The following DISC1 variants were observed in gnomAD, a reference collection of about 807,000 sequenced individuals.
DISC1 encodes disrupted in schizophrenia 1 protein.
In DISC1, 57 loss-of-function variants were observed where a neutral mutation model predicts 84.5. That is an observed-to-expected ratio of 0.67 (90% CI 0.55 to 0.84). The LOEUF (loss-of-function observed/expected upper bound fraction) is 0.84, where lower values mean the gene tolerates loss of function less well. Ranked by LOEUF, DISC1 falls within the 40% of genes least tolerant of loss-of-function variation. The pLI is 0.00. For missense variants in DISC1, 1,000 were observed against 1,057.8 expected (o/e 0.95, Z 0.76); for synonymous variants, 411 against 415.2 (o/e 0.99, Z 0.12).
chr1:231,699,246 TG>T, intron 2 of DISC1, among the ~76,000 whole-genome samples: 1 of 152,180 alleles, frequency 6.6e-6, no homozygotes, highest in East Asian at 1.9e-4. Context: ...ACTCTTTCCA[TG>T]TGCCCAAAGC....
intron 12 of DISC1, 137 bp downstream of exon 12, chr1:232,026,689 C>CCTG: frequency 1.5e-6 from 1 of 656,052 alleles, no homozygotes; most frequent in Non-Finnish European, 2.7e-6. Context: ...CACCTCAGAT[C>CCTG]TCTGAGATTA....
chr1:231,762,238 CTTTTCTT>C, intron 4 of DISC1, among the ~76,000 whole-genome samples: 1 of 20,698 alleles, frequency 4.8e-5, no homozygotes, highest in South Asian at 2.0e-3. Flanking sequence ...CTTTTCTTTT[CTTTTCTT>C]TTCTTTTCTT....
chr1:231,783,095 C>A (rs4658945), intron 6 of DISC1, among the ~76,000 whole-genome samples: 15,613 of 152,006 alleles, frequency 0.1, 986 homozygotes, highest in Non-Finnish European at 0.14. Flanking sequence ...CTTTGGATCA[C>A]GTAACAGAAT....
chr1:231,840,003 T>G (rs2082918774), intron 9 of DISC1, among the ~76,000 whole-genome samples: 1 of 152,118 alleles, frequency 6.6e-6, no homozygotes, highest in South Asian at 2.1e-4. Context: ...CAACATGAGA[T>G]TTGGAGGGGG....
intron 8 of DISC1, among the ~76,000 whole-genome samples, chr1:231,802,595 A>T (rs2079360278): frequency 6.6e-6 from 1 of 152,170 alleles, no homozygotes; most frequent in African/African-American, 2.4e-5. Flanking sequence ...CCATTTGCAG[A>T]GAGTAGGAAT....
chr1:231,998,936 A>G (rs1418897441), intron 10 of DISC1, among the ~76,000 whole-genome samples: 1 of 152,166 alleles, frequency 6.6e-6, no homozygotes, highest in Non-Finnish European at 1.5e-5. Flanking sequence ...TGAGGTGAAA[A>G]TACATTAAAG....
At chr1:231,772,443 C>A (rs974023959) in intron 6 of DISC1, among the ~76,000 whole-genome samples, 3 of 152,190 alleles carry the variant, frequency 2.0e-5, no homozygotes, top group African/African-American at 7.2e-5. Flanking sequence ...GAAAAGACTT[C>A]CTACAACTCA....
At chr1:231,848,679 CA>C (rs768457263) in intron 9 of DISC1, among the ~76,000 whole-genome samples, 42 of 152,172 alleles carry the variant, frequency 2.8e-4, no homozygotes, top group Non-Finnish European at 8.8e-5. Flanking sequence ...TCAGTTTGTC[CA>C]AAAAATAACA....
intron 4 of DISC1, among the ~76,000 whole-genome samples, chr1:231,755,406 A>G (rs985404691): frequency 3.3e-5 from 5 of 151,598 alleles, no homozygotes; most frequent in Non-Finnish European, 1.5e-5. Flanking sequence ...CTCACTTTGT[A>G]TCTTCTTTCT....
chr1:231,925,101 A>T (rs1033572446), intron 9 of DISC1, among the ~76,000 whole-genome samples: 1 of 151,910 alleles, frequency 6.6e-6, no homozygotes, highest in Non-Finnish European at 1.5e-5. Flanking sequence ...GGTGCTACTG[A>T]GGGACTGAAG....
chr1:231,828,194 C>G (rs1359717961), intron 9 of DISC1, among the ~76,000 whole-genome samples: 1 of 152,170 alleles, frequency 6.6e-6, no homozygotes, highest in African/African-American at 2.4e-5. Flanking sequence ...CAAGAAAGAA[C>G]CAAATACAAT....
intron 3 of DISC1, among the ~76,000 whole-genome samples, chr1:231,734,144 A>G (rs868223070): frequency 6.6e-6 from 1 of 152,142 alleles, no homozygotes; most frequent in Admixed American, 6.5e-5. Flanking sequence ...AGTCTGAACC[A>G]TAAGCTTGGA....
At chr1:231,843,503 G>C (rs931328120) in intron 9 of DISC1, among the ~76,000 whole-genome samples, 21 of 152,234 alleles carry the variant, frequency 1.4e-4, no homozygotes, top group Non-Finnish European at 5.9e-5. Flanking sequence ...AATGGAGAGA[G>C]AATCCACTCC....
chr1:231,958,710 A>G, intron 9 of DISC1, 118 bp from the exon 10 acceptor site: 2 of 1,019,718 alleles, frequency 2.0e-6, no homozygotes, highest in South Asian at 1.4e-5. Flanking sequence ...CAAACATAGA[A>G]TGTTACGATT....
At chr1:231,876,722 T>C (rs540021171) in intron 9 of DISC1, among the ~76,000 whole-genome samples, 1 of 152,280 alleles carries the variant, frequency 6.6e-6, no homozygotes, top group African/African-American at 2.4e-5. Context: ...GGGTTTATGG[T>C]TTTCAGGGGC....
At chr1:231,995,738 C>G (rs1266756460) in intron 10 of DISC1, among the ~76,000 whole-genome samples, 2 of 151,370 alleles carry the variant, frequency 1.3e-5, no homozygotes, top group Non-Finnish European at 2.9e-5. Context: ...TCCAGTCTAT[C>G]ATTGTTGGAC....
chr1:231,708,954 C>T (rs964830623), intron 3 of DISC1, among the ~76,000 whole-genome samples: 5 of 152,218 alleles, frequency 3.3e-5, no homozygotes, highest in African/African-American at 9.7e-5. Context: ...TAATCTTCAG[C>T]ATTGTTCTCA....
At chr1:231,696,810 G>A (rs1236287164) in intron 2 of DISC1, among the ~76,000 whole-genome samples, 1 of 152,184 alleles carries the variant, frequency 6.6e-6, no homozygotes, top group Non-Finnish European at 1.5e-5. Flanking sequence ...GCCTAGGTGT[G>A]TAATGGGCTA....
At chr1:232,014,384 C>T (rs201378354) in intron 11 of DISC1, among the ~76,000 whole-genome samples, 32 of 152,170 alleles carry the variant, frequency 2.1e-4, no homozygotes, top group Non-Finnish European at 4.3e-4. Flanking sequence ...GCTGGTTTTG[C>T]TCTTTTTGTT....
Sources: gnomAD v4.1 joint callset for allele counts (sites outside exome capture counted in the v4.1 genomes callset) on GRCh38, gnomAD v4.1.1 for gene constraint, MANE v1.5 for transcripts, NCBI Gene and HGNC (gene_info 2026-07-23, HGNC 2026-07-21) for gene names.